The following MEIS1 variants were observed in gnomAD, a reference collection of about 807,000 sequenced individuals.
MEIS1 encodes the protein homeobox protein Meis1.
In MEIS1, 5 loss-of-function variants were observed where a neutral mutation model predicts 50.8. The ratio of observed to expected loss-of-function variants is 0.10; its 90% confidence interval spans 0.05 to 0.21. The LOEUF is 0.21. MEIS1 is among the 10% of genes least tolerant of loss of function. MEIS1 has a pLI of 1.00. For missense variants in MEIS1, 318 were observed against 517.3 expected (o/e 0.61, Z 3.74); for synonymous variants, 176 against 179.3 (o/e 0.98, Z 0.15).
In MEIS1 at chr2:66,445,949, G is replaced by C. The variant is rs558309045; in HGVS notation, c.630+2901G>C. ...GGGCCGCCTGGAGGTCCCTGCCGGA[G>C]AGAGCCACTTTGGCGGGCGCAAGCC... On this transcript the variant is annotated intron_variant, in intron 6 of 12. Coordinates refer to ENST00000272369, the MANE Select transcript of MEIS1 (RefSeq NM_002398.3). Among the ~76,000 whole-genome samples the C allele has an allele frequency of 4.9e-3, 739 of 152,280 alleles. 7 individuals carry two copies. Among genetic ancestry groups the C allele is most frequent in the African/African-American group, 0.017 (709 of 41,570 alleles).
chr2:66,438,277 G>C (rs1431751429), intron 2 of MEIS1, among the ~76,000 whole-genome samples: 1 of 152,214 alleles, frequency 6.6e-6, no homozygotes, highest in Non-Finnish European at 1.5e-5. Flanking sequence ...GTCCTCCCTC[G>C]CTCGATTTCG....
chr2:66,552,619 T>C (rs1674948356), intron 9 of MEIS1, among the ~76,000 whole-genome samples: 2 of 152,202 alleles, frequency 1.3e-5, no homozygotes, highest in African/African-American at 4.8e-5. Flanking sequence ...TCACTTCCCA[T>C]TTATTATGAG....
At chr2:66,526,729 T>A (rs1188176768) in intron 8 of MEIS1, among the ~76,000 whole-genome samples, 4 of 152,202 alleles carry the variant, frequency 2.6e-5, no homozygotes, top group African/African-American at 7.2e-5. Context: ...CATTTTAATT[T>A]GCTAAATAAA....
intron 7 of MEIS1, among the ~76,000 whole-genome samples, chr2:66,489,302 C>A (rs1444176936): frequency 1.3e-5 from 2 of 152,168 alleles, no homozygotes; most frequent in African/African-American, 4.8e-5. Flanking sequence ...GTAATTGTGT[C>A]TTGCTTTTGG....
At chr2:66,551,351 A>G (rs763365395) in intron 9 of MEIS1, among the ~76,000 whole-genome samples, 4 of 152,208 alleles carry the variant, frequency 2.6e-5, no homozygotes, top group Non-Finnish European at 5.9e-5. Context: ...AAGGCAAAAG[A>G]GGAGAGAACT....
At chr2:66,451,837 A>G (rs1039901212) in intron 6 of MEIS1, among the ~76,000 whole-genome samples, 3 of 151,934 alleles carry the variant, frequency 2.0e-5, no homozygotes, top group Admixed American at 1.3e-4. Context: ...GTCTTGGCAA[A>G]CTAGCTAGTG....
At chr2:66,550,055 A>G (rs1271638397) in intron 9 of MEIS1, among the ~76,000 whole-genome samples, 1 of 152,238 alleles carries the variant, frequency 6.6e-6, no homozygotes, top group Non-Finnish European at 1.5e-5. Context: ...GAGAGAAAGG[A>G]TGTTTAAAAA....
chr2:66,521,092 T>C (rs1035103820), intron 8 of MEIS1, among the ~76,000 whole-genome samples: 1 of 152,236 alleles, frequency 6.6e-6, no homozygotes, highest in African/African-American at 2.4e-5. Context: ...CTTCCCTATC[T>C]GGAATCTTTT....
chr2:66,478,702 T>C lies in MEIS1; in HGVS notation c.742+14482T>C, dbSNP rs138378900. 4.6e-5 allele frequency among the ~76,000 whole-genome samples: 7 copies of C among 152,330 alleles called. No individual in the cohort carries two copies. In the East Asian group the frequency reaches 1.4e-3, roughly 29 times the overall value. ...CAACCATGCTGGCTTAAAGGAATAATGCAACAATTCCAAATAGACACACGC... is the reference window on the plus strand; with the variant it reads ...CAACCATGCTGGCTTAAAGGAATAACGCAACAATTCCAAATAGACACACGC... On this transcript the variant is annotated intron_variant, in intron 7 of 12. Transcript: ENST00000272369.
chr2:66,494,118 A>G (rs1340194806), intron 7 of MEIS1, among the ~76,000 whole-genome samples: 1 of 126,590 alleles, frequency 7.9e-6, no homozygotes, highest in East Asian at 2.2e-4. Flanking sequence ...CACTTGTGAC[A>G]AAAAAAGAGT....
Position 66,569,064 on chromosome 2 carries a change from A to G in MEIS1, c.1129A>G (p.Met377Val). The G allele has an allele frequency of 1.2e-6, 2 of 1,613,774 alleles. No individual in the cohort carries two copies. The highest frequency in any genetic ancestry group is 1.7e-6 in the Non-Finnish European group (2 of 1,179,800). Residue 377 changes from methionine (M) to valine (V), a missense_variant, in exon 12 of 13, where the codon ATG becomes GTG. By Grantham distance (21) the Met-to-Val change is conservative. Around this residue, in one of 6 missense-constraint regions of MEIS1, gnomAD observed 54 missense variants for 75.0 expected, o/e 0.72. Transcript: ENST00000272369. ...CTCCCTTCTAGGACCTATGAGTGGA[A>G]TGGGCATGAATATGGGCATGGAGGG... ...GIRAPGPMSGMGMNMGMEGQW... is the reference protein window; with the variant it reads ...GIRAPGPMSGVGMNMGMEGQW...
chr2:66,474,521 C>T (rs1672844101), intron 7 of MEIS1, among the ~76,000 whole-genome samples: 2 of 152,050 alleles, frequency 1.3e-5, no homozygotes, highest in African/African-American at 4.8e-5. Context: ...TGGCTGTTGG[C>T]CTAGCAAAAA....
intron 6 of MEIS1, 86 bp from the exon 7 acceptor site, chr2:66,464,023 C>A: frequency 2.1e-6 from 2 of 954,652 alleles, no homozygotes; most frequent in South Asian, 1.4e-5. Context: ...TCCAGCCCTC[C>A]ATGGCTTTGT....
At position 66,435,744 on chromosome 2, in the gene MEIS1, T is replaced by A; in HGVS notation, c.-113T>A. On this transcript the variant is annotated 5_prime_UTR_variant, in exon 1 of 13. Transcript: ENST00000272369. ...GACGTTAAGGGATTTTTCGTCGTGC[T>A]TTTTTTTTTTTTTTTTTTTTTTTCC... 1 of 21,422 alleles carries A rather than the reference T, an allele frequency of 4.7e-5. No individual in the cohort carries two copies. The highest frequency in any genetic ancestry group is 3.6e-4 in the Admixed American group (1 of 2,744). 1.3% of individuals were successfully genotyped at this position (21,422 alleles called of 1,614,324 possible).
intron 6 of MEIS1, among the ~76,000 whole-genome samples, chr2:66,458,176 G>A (rs978214937): frequency 6.6e-6 from 1 of 152,034 alleles, no homozygotes; most frequent in South Asian, 2.1e-4. Flanking sequence ...TTTTTGGTTC[G>A]AAAAAAATGA....
chr2:66,439,080 CT>C (rs770879627), intron 2 of MEIS1: 7,346 of 90,002 alleles, frequency 0.082, 200 homozygotes, highest in African/African-American at 0.15. Context: ...TCTTCTTCTT[CT>C]TTTTTTTTTT....
At chr2:66,456,773 T>C (rs1489448416) in intron 6 of MEIS1, among the ~76,000 whole-genome samples, 1 of 152,226 alleles carries the variant, frequency 6.6e-6, no homozygotes, top group African/African-American at 2.4e-5. Context: ...GGTAGCCTTT[T>C]AAAAAGTTGG....
intron 6 of MEIS1, among the ~76,000 whole-genome samples, chr2:66,462,530 G>T (rs949269044): frequency 6.6e-6 from 1 of 152,186 alleles, no homozygotes; most frequent in Non-Finnish European, 1.5e-5. Context: ...CCGGGGTTTT[G>T]TGCCTGGCAT....
chr2:66,533,101 A>T (rs1232646842), intron 8 of MEIS1, among the ~76,000 whole-genome samples: 4 of 152,072 alleles, frequency 2.6e-5, no homozygotes, highest in Non-Finnish European at 5.9e-5. Context: ...GCGAGTTCTC[A>T]CTCTTGATCT....
Sources: allele counts gnomAD v4.1 joint callset (sites outside exome capture counted in the v4.1 genomes callset), GRCh38; gene constraint gnomAD v4.1.1; regional missense constraint gnomAD v4.1.1; transcripts MANE v1.5; gene names NCBI Gene and HGNC (gene_info 2026-07-23, HGNC 2026-07-21).